Variants in ZNHIT1 observed in about 807,000 individuals in gnomAD.
ZNHIT1 encodes the protein zinc finger HIT domain-containing protein 1.
Under a neutral mutation model 21.4 loss-of-function variants are expected in ZNHIT1, and 20 were observed. The ratio of observed to expected loss-of-function variants is 0.93; its 90% CI spans 0.66 to 1.36. The LOEUF is 1.36. ZNHIT1 is among the 40% of genes most tolerant of loss of function. The pLI is 0.00. For missense variants in ZNHIT1, 170 were observed against 213.5 expected, an observed-to-expected ratio of 0.80 and a Z score of 1.27; for synonymous variants, 79 against 84.0, an observed-to-expected ratio of 0.94 and a Z score of 0.32.
intron 1 of ZNHIT1, 192 bp downstream of exon 1, chr7:101,218,409 A>C: frequency 1.6e-6 from 1 of 616,102 alleles, no homozygotes; most frequent in South Asian, 2.2e-5. Context: ...GAGTGGCTGG[A>C]ACTGCAAGCA....
In ZNHIT1 at chr7:101,223,997, G is replaced by A; in HGVS notation, c.*39G>A. 1 of 1,614,016 alleles carries A rather than the reference G, an allele frequency of 6.2e-7. No homozygotes were observed. Among genetic ancestry groups the A allele is most frequent in the Non-Finnish European group, 8.5e-7 (1 of 1,179,980 alleles). On this transcript the variant is annotated 3_prime_UTR_variant, in exon 5 of 5. Coordinates refer to ENST00000305105, the MANE Select transcript of ZNHIT1 (RefSeq NM_006349.3). The stretch of plus-strand genomic sequence containing the variant: ...CAGAGAGGAAGGGCCGCTGTGCACT[G>A]CCCGGCCTTCAGAAAGACAGAATTT...
At chr7:101,218,343 A>C in intron 1 of ZNHIT1, 126 bp downstream of exon 1, 1 of 1,008,850 alleles carries the variant, frequency 9.9e-7, no homozygotes, top group Non-Finnish European at 1.5e-6. Flanking sequence ...GCATAGTCAT[A>C]GCTCACTGCA....
rs775399899 is a variant in ZNHIT1, at chr7:101,222,618, CCCGGGCAGCGGCGGGTGCTGGA to C, written c.44_65del (p.Gln15LeufsTer72). The stretch of plus-strand genomic sequence containing the variant: ...GCTCCATCCAGTTCGCTCCCAGGAC[CCCGGGCAGCGGCGGGTGCTGGA>C]CCGGGCTGCCCGGCAGCGTCGCATC... On this transcript the variant is annotated frameshift_variant, in exon 2 of 5. Transcript: ENST00000305105. LOFTEE classifies it high-confidence loss of function. The C allele has an allele frequency of 6.8e-6, 11 of 1,612,882 alleles. No homozygotes were observed. The highest frequency in any genetic ancestry group is 9.3e-6 in the Non-Finnish European group (11 of 1,179,484).
intron 2 of ZNHIT1, 119 bp downstream of exon 2, chr7:101,222,893 C>G: frequency 7.3e-7 from 1 of 1,361,154 alleles, no homozygotes. Context: ...GACTGGCTCC[C>G]ATGGCTGTGA....
chr7:101,222,985 A>T (rs1010940693), intron 2 of ZNHIT1, among the ~76,000 whole-genome samples: 2 of 152,216 alleles, frequency 1.3e-5, no homozygotes, highest in Non-Finnish European at 2.9e-5. Context: ...CTCTGACACG[A>T]AGCCTTAGGC....
At position 101,218,306 on chromosome 7, in the gene ZNHIT1, C is replaced by G. The variant is rs1028275123; in HGVS notation, c.22+89C>G. 8.9e-6 allele frequency: 13 copies of G among 1,464,482 alleles called. No homozygotes were observed. In the Admixed American group the frequency reaches 1.9e-4, roughly 22 times the overall value. 90.7% of individuals were successfully genotyped at this position (1,464,482 alleles called of 1,614,324 possible). A position where few individuals can be genotyped will look rare whatever the true frequency, so the allele number is the denominator to read the frequency against. On this transcript the variant is annotated intron_variant, in intron 1 of 4. Transcript: ENST00000305105. ...TAGTCATTCCTCTTTTTTGGTCTCG[C>G]TCTTTCGCCTAGGCTGGAGTGCAGT...
rs1051560741 is a variant in ZNHIT1, at chr7:101,223,611, G to A, written c.273+55G>A. ...CACAGGGAAGGGGTGAGCCTGGCCC[G>A]GGCAGGTGTTCGCTGCGTGGGTGGG... is the stretch of plus-strand genomic sequence containing the variant. On this transcript the variant is annotated intron_variant, in intron 3 of 4. Transcript: ENST00000305105. 82 of 1,613,492 alleles carry A rather than the reference G, an allele frequency of 5.1e-5. 1 individual carries two copies. Among genetic ancestry groups the A allele is most frequent in the Admixed American group, 4.2e-4 (25 of 59,920 alleles).
chr7:101,222,278 G>C (rs755288494), intron 1 of ZNHIT1: 3 of 322,168 alleles, frequency 9.3e-6, no homozygotes, highest in Non-Finnish European at 1.7e-5. Context: ...TGAGGGCCCA[G>C]GACAGCCTGG....
In ZNHIT1 at chr7:101,222,600, C is replaced by T; in HGVS notation, c.23-4C>T. 1 of 1,611,722 alleles carries T rather than the reference C, an allele frequency of 6.2e-7. No homozygotes were observed. The highest frequency in any genetic ancestry group is 8.5e-7 in the Non-Finnish European group (1 of 1,178,874). On this transcript the variant is annotated splice_polypyrimidine_tract_variant and splice_region_variant and intron_variant, in intron 1 of 4. Coordinates refer to ENST00000305105, the MANE Select transcript of ZNHIT1 (RefSeq NM_006349.3). ...TGTAACTTTGCGTGCCCTGCTCCAT[C>T]CAGTTCGCTCCCAGGACCCCGGGCA... is the stretch of plus-strand genomic sequence containing the variant.
At chr7:101,222,878 C>T in intron 2 of ZNHIT1, 104 bp downstream of exon 2, 1 of 1,447,876 alleles carries the variant, frequency 6.9e-7, no homozygotes, top group South Asian at 1.4e-5. Flanking sequence ...GGTGCCTCTG[C>T]CAGTGACTGG....
At chr7:101,222,921 C>A in intron 2 of ZNHIT1, 147 bp downstream of exon 2, 1 of 1,022,810 alleles carries the variant, frequency 9.8e-7, no homozygotes, top group Non-Finnish European at 1.4e-6. Context: ...CACCCCCTTT[C>A]TGTGCCTCAG....
chr7:101,222,589 C>A lies in ZNHIT1; in HGVS notation c.23-15C>A. 6.2e-7 allele frequency: 1 copy of A among 1,608,162 alleles called. No individual in the cohort carries two copies. On this transcript the variant is annotated splice_polypyrimidine_tract_variant and intron_variant, in intron 1 of 4. Transcript: ENST00000305105. ...CTTGGAAGCCCTGTAACTTTGCGTG[C>A]CCTGCTCCATCCAGTTCGCTCCCAG...
rs1163810108 is a variant in ZNHIT1, at chr7:101,222,794, A to C, written c.193+20A>C. On this transcript the variant is annotated intron_variant, in intron 2 of 4. Transcript: ENST00000305105. Reference sequence around the variant, plus strand: ...ACACTGGTGAGGCGGATGGAGGAGGAAGCGGGGGATGGGACTGAGAGGAGG... The same window carrying C: ...ACACTGGTGAGGCGGATGGAGGAGGCAGCGGGGGATGGGACTGAGAGGAGG... The C allele has an allele frequency of 6.2e-7, 1 of 1,610,168 alleles. No homozygotes were observed. Among genetic ancestry groups the C allele is most frequent in the Non-Finnish European group, 8.5e-7 (1 of 1,177,152 alleles).
Position 101,224,015 on chromosome 7 carries a change from CAG to C in ZNHIT1, c.*59_*60del. The C allele has an allele frequency of 6.2e-7, 1 of 1,613,340 alleles. No homozygotes were observed. Among genetic ancestry groups the C allele is most frequent in the East Asian group, 2.2e-5 (1 of 44,882 alleles). ...GTGCACTGCCCGGCCTTCAGAAAGA[CAG>C]AATTTCATCACCCAATGCAGGGGGA... On this transcript the variant is annotated 3_prime_UTR_variant, in exon 5 of 5. Transcript: ENST00000305105.
chr7:101,218,289 C>A, intron 1 of ZNHIT1, 72 bp downstream of exon 1: 1 of 1,545,702 alleles, frequency 6.5e-7, no homozygotes, highest in Non-Finnish European at 8.8e-7. Flanking sequence ...CCTAGTCATT[C>A]CTCTTTTTTG....
At chr7:101,223,453 C>G in intron 2 of ZNHIT1, 24 bp from the exon 3 acceptor site, 1 of 1,613,358 alleles carries the variant, frequency 6.2e-7, no homozygotes, top group Non-Finnish European at 8.5e-7. Flanking sequence ...AAGTGCCAAG[C>G]AACGGATCAC....
Position 101,223,653 on chromosome 7 carries a change from C to T in ZNHIT1, c.274-20C>T. The T allele has an allele frequency of 6.2e-7, 1 of 1,611,452 alleles. No homozygotes were observed. Among genetic ancestry groups the T allele is most frequent in the East Asian group, 2.2e-5 (1 of 44,848 alleles). On this transcript the variant is annotated intron_variant, in intron 3 of 4. Coordinates refer to ENST00000305105, the MANE Select transcript of ZNHIT1 (RefSeq NM_006349.3). ...GTGGGTGGGCGGAGGAGTTCTAGAG[C>T]CGGCCCCTTGTCTCTGCAGAACTTG... is the stretch of plus-strand genomic sequence containing the variant.
chr7:101,222,617 C>T lies in ZNHIT1; in HGVS notation c.36C>T (p.Asp12=). The change falls in exon 2 of 5, where the codon GAC becomes GAT. Residue 12 remains aspartate, a synonymous_variant. Coordinates refer to ENST00000305105, the MANE Select transcript of ZNHIT1 (RefSeq NM_006349.3). ...VEKKTSVRSQ[D]PGQRRVLDRA... ...TGCTCCATCCAGTTCGCTCCCAGGACCCCGGGCAGCGGCGGGTGCTGGACC... is the reference window on the plus strand; with the variant it reads ...TGCTCCATCCAGTTCGCTCCCAGGATCCCGGGCAGCGGCGGGTGCTGGACC... The T allele has an allele frequency of 6.2e-7, 1 of 1,612,976 alleles. No individual in the cohort carries two copies. The highest frequency in any genetic ancestry group is 8.5e-7 in the Non-Finnish European group (1 of 1,179,454).
At chr7:101,222,300 C>G (rs113061977) in intron 1 of ZNHIT1, 1 of 368,414 alleles carries the variant, frequency 2.7e-6, no homozygotes, top group Non-Finnish European at 4.9e-6. Flanking sequence ...AGCCCCAGGG[C>G]GCTGTGACCT....
Sources: allele counts gnomAD v4.1 joint callset (sites outside exome capture counted in the v4.1 genomes callset), GRCh38; gene constraint gnomAD v4.1.1; transcripts MANE v1.5; gene names NCBI Gene and HGNC (gene_info 2026-07-23, HGNC 2026-07-21).